HTR4: variants seen among roughly 807,000 people sequenced by gnomAD.
HTR4 encodes 5-hydroxytryptamine (serotonin) receptor 4, G protein-coupled.
HTR4 carries 16 observed loss-of-function variants against 36.8 expected under a neutral mutation model. The observed-to-expected ratio is 0.43, with a 90% CI of 0.29 to 0.66. The LOEUF (loss-of-function observed/expected upper bound fraction) is 0.66. Ranked by LOEUF, HTR4 falls within the 30% of genes least tolerant of loss-of-function variation. The probability of loss-of-function intolerance (pLI) is 0.13; values close to 1 mark genes in which losing one functional copy is unlikely to be tolerated. For missense variants in HTR4, 438 were observed against 490.9 expected, an observed-to-expected ratio of 0.89 and a Z score of 1.02; for synonymous variants, 189 against 185.1, an observed-to-expected ratio of 1.02 and a Z score of -0.17.
At chr5:148,624,215 CTG>C (rs918182819) in intron 2 of HTR4, among the ~76,000 whole-genome samples, 1 of 152,200 alleles carries the variant, frequency 6.6e-6, no homozygotes, top group Non-Finnish European at 1.5e-5. Context: ...ATACCAGTAT[CTG>C]TAAATTCTAC....
At chr5:148,649,272 T>TG (rs1753963121) in intron 1 of HTR4, among the ~76,000 whole-genome samples, 1 of 140,068 alleles carries the variant, frequency 7.1e-6, no homozygotes, top group Non-Finnish European at 1.6e-5. Flanking sequence ...TGTGTGATCA[T>TG]GAAAAAAAAA....
chr5:148,540,287 G>A (rs1759040646), intron 4 of HTR4, among the ~76,000 whole-genome samples: 1 of 150,028 alleles, frequency 6.7e-6, no homozygotes, highest in African/African-American at 2.5e-5. Context: ...TTAATACTTG[G>A]GTGATGAAAT....
At chr5:148,587,271 G>T (rs1365360685) in intron 2 of HTR4, among the ~76,000 whole-genome samples, 1 of 152,210 alleles carries the variant, frequency 6.6e-6, no homozygotes, top group Non-Finnish European at 1.5e-5. Flanking sequence ...AGAGGTAAAA[G>T]AAATTTAGAC....
chr5:148,514,306 A>C (rs1757631658), intron 5 of HTR4, among the ~76,000 whole-genome samples: 2 of 152,182 alleles, frequency 1.3e-5, no homozygotes, highest in Non-Finnish European at 2.9e-5. Context: ...TTTTTAAAAA[A>C]TCGTGAATGG....
intron 1 of HTR4, chr5:148,645,329 G>T (rs915961229): frequency 5.9e-5 from 9 of 152,216 alleles, no homozygotes; most frequent in Admixed American, 3.9e-4. Flanking sequence ...ATACATAAAT[G>T]ATGGACATGG....
intron 1 of HTR4, among the ~76,000 whole-genome samples, chr5:148,649,126 T>C (rs569220933): frequency 6.6e-6 from 1 of 152,136 alleles, no homozygotes; most frequent in Non-Finnish European, 1.5e-5. Context: ...TCTCAGGAGT[T>C]GATAGAAAAA....
In HTR4 at chr5:148,482,998, AAGG is replaced by A; in HGVS notation, c.*202_*204del. 4 of 1,429,330 alleles carry A rather than the reference AAGG, an allele frequency of 2.8e-6. No individual in the cohort carries two copies. Among genetic ancestry groups the A allele is most frequent in the Non-Finnish European group, 3.7e-6 (4 of 1,089,254 alleles). 88.5% of individuals were successfully genotyped at this position (1,429,330 alleles called of 1,614,324 possible). On this transcript the variant is annotated 3_prime_UTR_variant, in exon 7 of 7. Coordinates refer to ENST00000377888, the MANE Select transcript of HTR4 (RefSeq NM_000870.7). ...GAGTGTTGGGAAATAAAAAGTGAAC[AAGG>A]AGGCCATTATGTCCCCTGACTCCCT...
At chr5:148,588,827 T>C (rs1008569086) in intron 2 of HTR4, among the ~76,000 whole-genome samples, 1 of 151,538 alleles carries the variant, frequency 6.6e-6, no homozygotes, top group Non-Finnish European at 1.5e-5. Context: ...GGCGTGAGGG[T>C]TTTAATTCTT....
chr5:148,631,801 A>C (rs955639602), intron 2 of HTR4, among the ~76,000 whole-genome samples: 2 of 152,192 alleles, frequency 1.3e-5, no homozygotes, highest in Admixed American at 1.3e-4. Flanking sequence ...GCAACTAGGT[A>C]ATTAATTTGA....
intron 2 of HTR4, among the ~76,000 whole-genome samples, chr5:148,618,655 T>C (rs930711643): frequency 6.6e-6 from 1 of 152,214 alleles, no homozygotes; most frequent in Admixed American, 6.5e-5. Flanking sequence ...CCTTTGTTGA[T>C]TTTAACCTTG....
At chr5:148,473,989 T>C (rs1755634595), downstream of HTR4, among the ~76,000 whole-genome samples, 1 of 151,834 alleles carries the variant, frequency 6.6e-6, no homozygotes, top group Non-Finnish European at 1.5e-5. Flanking sequence ...GATTTTGGCC[T>C]TTTAGTCTTA....
chr5:148,474,750 C>G (rs1043294951), downstream of HTR4, among the ~76,000 whole-genome samples: 1 of 152,124 alleles, frequency 6.6e-6, no homozygotes, highest in African/African-American at 2.4e-5. Context: ...ATAGACAGAT[C>G]TAGGTTTGTA....
At chr5:148,536,090 T>C (rs942938030) in intron 4 of HTR4, among the ~76,000 whole-genome samples, 1 of 152,064 alleles carries the variant, frequency 6.6e-6, no homozygotes, top group African/African-American at 2.4e-5. Flanking sequence ...TAATCAACAT[T>C]CTTAAAGAAA....
At chr5:148,469,725 G>A (rs1402348529) in intron 5 of HTR4, among the ~76,000 whole-genome samples, 1 of 152,210 alleles carries the variant, frequency 6.6e-6, no homozygotes, top group Non-Finnish European at 1.5e-5. Flanking sequence ...ATGCCAGGGA[G>A]GAACATAGTC....
At chr5:148,529,992 TGGAAGAAATTTCCACCA>T (rs978332070) in intron 4 of HTR4, among the ~76,000 whole-genome samples, 22 of 152,182 alleles carry the variant, frequency 1.4e-4, no homozygotes, top group Admixed American at 3.9e-4. Flanking sequence ...GGGTATCTGA[TGGAAGAAATTTCCACCA>T]GGAAGAAATT....
At chr5:148,566,738 A>G (rs934851606) in intron 2 of HTR4, among the ~76,000 whole-genome samples, 29 of 152,258 alleles carry the variant, frequency 1.9e-4, no homozygotes, top group African/African-American at 5.5e-4. Context: ...ACAAACATAT[A>G]TATGTACAGG....
intron 2 of HTR4, among the ~76,000 whole-genome samples, chr5:148,575,094 T>C (rs1760840903): frequency 6.6e-6 from 1 of 152,050 alleles, no homozygotes. Flanking sequence ...GTACATCTCC[T>C]TTTTACTTTC....
Position 148,481,755 on chromosome 5 carries a change from G to C in HTR4, c.*1448C>G, listed in dbSNP as rs199630659. On this transcript the variant is annotated 3_prime_UTR_variant, in exon 7 of 7. Coordinates refer to ENST00000377888, the MANE Select transcript of HTR4 (RefSeq NM_000870.7). ...AAGATCAAAGTCAGAATCTCACATG[G>C]CTCTGGGTTTGGCATTTACCTTCCC... The C allele has an allele frequency of 2.2e-5, 31 of 1,420,870 alleles. No individual in the cohort carries two copies. The highest frequency in any genetic ancestry group is 2.6e-5 in the Non-Finnish European group (29 of 1,096,778). The allele number at this position is 1,420,870 out of a possible 1,614,324, so 88.0% of individuals were successfully genotyped here. A position where few individuals can be genotyped will look rare whatever the true frequency, so the allele number is the denominator to read the frequency against.
intron 4 of HTR4, among the ~76,000 whole-genome samples, chr5:148,529,987 T>C (rs1231259511): frequency 1.3e-5 from 2 of 152,156 alleles, no homozygotes; most frequent in African/African-American, 4.8e-5. Context: ...ATTTCGGGTA[T>C]CTGATGGAAG....
Sources: gnomAD v4.1 joint callset for allele counts (sites outside exome capture counted in the v4.1 genomes callset) on GRCh38, gnomAD v4.1.1 for gene constraint, MANE v1.5 for transcripts, NCBI Gene and HGNC (gene_info 2026-07-23, HGNC 2026-07-21) for gene names.